ADCK2: variants seen among roughly 807,000 people sequenced by gnomAD.
ADCK2 encodes the protein aarF domain containing kinase 2.
In ADCK2, 37 loss-of-function variants were observed where a neutral mutation model predicts 52.3. The observed-to-expected ratio is 0.71, with a 90% CI of 0.54 to 0.93. The LOEUF (loss-of-function observed/expected upper bound fraction) is 0.93, where lower values mean the gene tolerates loss of function less well. Ranked by LOEUF, ADCK2 falls within the 40% of genes least tolerant of loss-of-function variation. The pLI is 0.00. For synonymous variants in ADCK2, 321 were observed against 349.2 expected (o/e 0.92, Z 0.90); for missense variants, 695 against 798.7 (o/e 0.87, Z 1.56).
intron 6 of ADCK2, among the ~76,000 whole-genome samples, chr7:140,690,303 A>G (rs1021618716): frequency 6.6e-6 from 1 of 152,070 alleles, no homozygotes; most frequent in Non-Finnish European, 1.5e-5. Context: ...CCCGGATTCA[A>G]GCGATTCTCC....
In ADCK2 at chr7:140,674,879, C is replaced by T. The variant is rs189603562; in HGVS notation, c.1080+122C>T. On this transcript the variant is annotated intron_variant, in intron 2 of 7. Transcript: ENST00000072869. This position sits in a 1 kb window ranked among gnomAD's most constrained non-coding sequence, Gnocchi z 4.6. The stretch of plus-strand genomic sequence containing the variant: ...TCATAACTCATGTGATGTGTTAGAG[C>T]TGGTAACACTAGCTGATAAAGAACA... The T allele has an allele frequency of 7.6e-4, 896 of 1,177,868 alleles. 4 individuals carry two copies. Among genetic ancestry groups the T allele is most frequent in the Non-Finnish European group, 1.2e-4 (103 of 861,398 alleles). 73.0% of individuals were successfully genotyped at this position (1,177,868 alleles called of 1,614,324 possible). A position where few individuals can be genotyped will look rare whatever the true frequency, so the allele number is the denominator to read the frequency against.
rs1228691411 is a variant in ADCK2, at chr7:140,687,205, T to C, written c.1521T>C (p.Asn507=). 1 of 1,581,680 alleles carries C rather than the reference T, an allele frequency of 6.3e-7. No individual in the cohort carries two copies. Reference sequence around the variant, plus strand: ...AGCTGCAGGCCCCTGACCTGAGGAATTTCCGGGCAGTTTTCATGGCTGTGG... The same window carrying C: ...AGCTGCAGGCCCCTGACCTGAGGAACTTCCGGGCAGTTTTCATGGCTGTGG... ...VAELQAPDLR[N]FRAVFMAVVM... The change falls in exon 5 of 8, where the codon AAT becomes AAC. Residue 507 remains asparagine, a synonymous_variant. Coordinates refer to ENST00000072869, the MANE Select transcript of ADCK2 (RefSeq NM_052853.4).
chr7:140,690,879 A>T (rs1255724934), intron 7 of ADCK2, 66 bp downstream of exon 7: 2 of 1,453,970 alleles, frequency 1.4e-6, no homozygotes, highest in African/African-American at 2.9e-5. Context: ...ATGGGAGGAC[A>T]CAGGGTGGTG....
At chr7:140,687,855 G>A (rs1316275366) in intron 5 of ADCK2, among the ~76,000 whole-genome samples, 1 of 151,782 alleles carries the variant, frequency 6.6e-6, no homozygotes, top group African/African-American at 2.4e-5. Flanking sequence ...TGCAGCCTGG[G>A]TGACAGAGTG....
In ADCK2 at chr7:140,674,731, G is replaced by T. The variant is rs1250465905; in HGVS notation, c.1054G>T (p.Glu352Ter). Reference protein sequence around the residue: ...KWLSLPEIVEEFEKLMVQQID... With the variant: ...KWLSLPEIVE ...GCTTAGCTTGCCTGAGATTGTGGAG[G>T]AATTTGAGAAGCTGATGGTCCAACA... The change falls in exon 2 of 8, where the codon GAA becomes TAA. Residue 352 changes from glutamate to a stop codon, truncating the protein, a stop_gained. Transcript: ENST00000072869. LOFTEE classifies it high-confidence loss of function. The surrounding 1 kb of genome is among the most constrained non-coding windows in gnomAD (Gnocchi z 4.6). 1.9e-6 allele frequency: 3 copies of T among 1,614,096 alleles called. No individual in the cohort carries two copies. In the South Asian group the frequency reaches 3.3e-5, roughly 18 times the overall value.
In ADCK2 at chr7:140,678,932, C is replaced by T. The variant is rs1177655898; in HGVS notation, c.1081-223C>T. On this transcript the variant is annotated intron_variant, in intron 2 of 7. Transcript: ENST00000072869. This position sits in a 1 kb window ranked among gnomAD's most constrained non-coding sequence, Gnocchi z 4.9. The stretch of plus-strand genomic sequence containing the variant: ...CAGTGCAGCCCAAAGCCCACCAGGG[C>T]ACCTGCCGTCTGCAGCCTCCAGGAG... Among the ~76,000 whole-genome samples, 3 of 152,326 alleles carry T rather than the reference C, an allele frequency of 2.0e-5. No individual in the cohort carries two copies. The highest frequency in any genetic ancestry group is 6.5e-5 in the Admixed American group (1 of 15,308).
At position 140,684,892 on chromosome 7, in the gene ADCK2, G is replaced by A. The variant is rs116182600; in HGVS notation, c.1306-2098G>A. Among the ~76,000 whole-genome samples the A allele has an allele frequency of 4.9e-3, 744 of 152,190 alleles. 5 individuals are homozygous for A. The highest frequency in any genetic ancestry group is 0.017 in the African/African-American group (702 of 41,524). ...ATTCAGTAGTTGCAGTCAGAACCCG[G>A]TGGCAAGAGGACTTTGTCCACAGGA... On this transcript the variant is annotated intron_variant, in intron 4 of 7. Transcript: ENST00000072869.
intron 3 of ADCK2, among the ~76,000 whole-genome samples, chr7:140,679,656 C>G (rs1794481461): frequency 7.2e-6 from 1 of 139,474 alleles, no homozygotes; most frequent in Admixed American, 7.3e-5. Context: ...GTTCAGCCTT[C>G]TCTCTCTTTT....
rs545801734 is a variant in ADCK2 at position 140,685,080 on chromosome 7, T to TA, written c.1306-1899dup. On this transcript the variant is annotated intron_variant, in intron 4 of 7. Coordinates refer to ENST00000072869, the MANE Select transcript of ADCK2 (RefSeq NM_052853.4). ...CAAGGTTCCAGAAGATTCAGAAACTTAAAAAAAAAAACAACTGAATTATAG... is the reference window on the plus strand; with the variant it reads ...CAAGGTTCCAGAAGATTCAGAAACTTAAAAAAAAAAAACAACTGAATTATAG... Among the ~76,000 whole-genome samples, 689 of 143,744 alleles carry TA rather than the reference T, an allele frequency of 4.8e-3. 8 individuals are homozygous for TA. Among genetic ancestry groups the TA allele is most frequent in the African/African-American group, 0.015 (607 of 39,214 alleles). The allele number at this position is 143,744 out of a possible 152,430, so 94.3% of individuals were successfully genotyped here. A position where few individuals can be genotyped will look rare whatever the true frequency, so the allele number is the denominator to read the frequency against.
rs1469699858 is a variant in ADCK2, at chr7:140,689,061, G to A, written c.1558-536G>A. 4.6e-5 allele frequency among the ~76,000 whole-genome samples: 7 copies of A among 151,280 alleles called. No individual in the cohort carries two copies. In the South Asian group the frequency reaches 8.3e-4, roughly 18 times the overall value. On this transcript the variant is annotated intron_variant, in intron 5 of 7. Transcript: ENST00000072869. ...CAGCTCACTGCAACCTCTACCTCCC[G>A]GGTTCAAGTGATTCTCCTGCCTCAG...
At chr7:140,692,808 C>T (rs1038022531) in intron 7 of ADCK2, among the ~76,000 whole-genome samples, 3 of 152,176 alleles carry the variant, frequency 2.0e-5, no homozygotes, top group Admixed American at 2.0e-4. Flanking sequence ...TTTAATGTAG[C>T]CAGTAAGGTC....
Position 140,694,923 on chromosome 7 carries a change from G to A in ADCK2, c.*120G>A, listed in dbSNP as rs895331078. Reference sequence around the variant, plus strand: ...CAATTTCAAATGTAACCCTCCAGTGGTGGAAGGCACACCATGGCTTCCTCT... The same window carrying A: ...CAATTTCAAATGTAACCCTCCAGTGATGGAAGGCACACCATGGCTTCCTCT... On this transcript the variant is annotated 3_prime_UTR_variant, in exon 8 of 8. Transcript: ENST00000072869. The A allele has an allele frequency of 2.1e-6, 3 of 1,444,150 alleles. No individual in the cohort carries two copies. The highest frequency in any genetic ancestry group is 2.8e-5 in the African/African-American group (2 of 70,312). The allele number at this position is 1,444,150 out of a possible 1,614,324, so 89.5% of individuals were successfully genotyped here. A position where few individuals can be genotyped will look rare whatever the true frequency, so the allele number is the denominator to read the frequency against.
intron 3 of ADCK2, among the ~76,000 whole-genome samples, chr7:140,680,548 C>G (rs1433877500): frequency 6.6e-6 from 1 of 152,000 alleles, no homozygotes; most frequent in East Asian, 1.9e-4. Context: ...CTGGTGCCCA[C>G]CCCTATCTTT....
chr7:140,686,751 A>C (rs1227656705), intron 4 of ADCK2, among the ~76,000 whole-genome samples: 1 of 152,150 alleles, frequency 6.6e-6, no homozygotes, highest in Non-Finnish European at 1.5e-5. Flanking sequence ...CGGCCCCTTT[A>C]TAATCTTTTA....
At chr7:140,684,731 T>C (rs1794577150) in intron 4 of ADCK2, among the ~76,000 whole-genome samples, 1 of 152,082 alleles carries the variant, frequency 6.6e-6, no homozygotes, top group Admixed American at 6.6e-5. Context: ...CTGAGAGCCG[T>C]TGTGGGGGTG....
intron 5 of ADCK2, among the ~76,000 whole-genome samples, chr7:140,688,479 C>G (rs1443464377): frequency 6.6e-6 from 1 of 152,208 alleles, no homozygotes; most frequent in African/African-American, 2.4e-5. Context: ...AAGGGGCTTT[C>G]TGTTAGCAGG....
At chr7:140,679,127 C>G (rs1485715208) in intron 2 of ADCK2, 28 bp from the exon 3 acceptor site, 1 of 1,612,794 alleles carries the variant, frequency 6.2e-7, no homozygotes, top group East Asian at 2.2e-5. Flanking sequence ...CAGACTAGCC[C>G]TCATCCTTTC....
intron 5 of ADCK2, among the ~76,000 whole-genome samples, chr7:140,688,369 C>T (rs1478754417): frequency 6.6e-6 from 1 of 152,124 alleles, no homozygotes; most frequent in Admixed American, 6.5e-5. Context: ...TGAAACAGGA[C>T]AGGTCTCCTT....
chr7:140,693,506 C>T lies in ADCK2; in HGVS notation c.1741-1157C>T, dbSNP rs770927415. On this transcript the variant is annotated intron_variant, in intron 7 of 7. Coordinates refer to ENST00000072869, the MANE Select transcript of ADCK2 (RefSeq NM_052853.4). The surrounding 1 kb of genome is among the most constrained non-coding windows in gnomAD (Gnocchi z 4.0). ...GCAGATTCCTGTTCTTCTAGGTTTA[C>T]ATCTGGCTCTATTCCTCCTCACTCA... is the stretch of plus-strand genomic sequence containing the variant. Among the ~76,000 whole-genome samples the T allele has an allele frequency of 3.9e-5, 6 of 152,232 alleles. No individual in the cohort carries two copies. The highest frequency in any genetic ancestry group is 8.8e-5 in the Non-Finnish European group (6 of 68,036).
Sources: gnomAD v4.1 joint callset for allele counts (sites outside exome capture counted in the v4.1 genomes callset) on GRCh38, gnomAD v4.1.1 for gene constraint, Gnocchi (gnomAD v3.1) non-coding constraint, MANE v1.5 for transcripts, NCBI Gene and HGNC (gene_info 2026-07-23, HGNC 2026-07-21) for gene names.